The following MICU2 variants were observed in gnomAD, a reference collection of about 807,000 sequenced individuals.
MICU2 encodes the protein calcium uptake protein 2, mitochondrial.
In MICU2, 64 loss-of-function variants were observed where a neutral mutation model predicts 60.4. The observed-to-expected ratio is 1.06, with a 90% CI of 0.87 to 1.31. MICU2 has a LOEUF of 1.31. Among genes scored for constraint, MICU2 ranks in the 50% most tolerant of loss-of-function variants. The pLI is 0.00. For synonymous variants in MICU2, 201 were observed against 175.0 expected (o/e 1.15, Z -1.17); for missense variants, 569 against 531.0 (o/e 1.07, Z -0.70).
At chr13:21,561,898 T>C (rs1887854157) in intron 2 of MICU2, among the ~76,000 whole-genome samples, 1 of 124,624 alleles carries the variant, frequency 8.0e-6, no homozygotes, top group Non-Finnish European at 1.6e-5. Flanking sequence ...AGTGTGATGT[T>C]CCCCTTCCTG....
intron 1 of MICU2, among the ~76,000 whole-genome samples, chr13:21,596,181 C>T (rs370618697): frequency 3.3e-5 from 5 of 152,258 alleles, no homozygotes; most frequent in East Asian, 1.9e-4. Context: ...CTTAAAACCA[C>T]GGGAGCCTTG....
intron 2 of MICU2, among the ~76,000 whole-genome samples, chr13:21,551,926 T>C (rs1887579385): frequency 6.6e-6 from 1 of 152,154 alleles, no homozygotes; most frequent in African/African-American, 2.4e-5. Context: ...CAGCATGATT[T>C]ATAATCCTTT....
At chr13:21,503,133 G>T (rs765445844) in intron 8 of MICU2, 36 bp from the exon 9 acceptor site, 4 of 1,497,288 alleles carry the variant, frequency 2.7e-6, no homozygotes, top group Non-Finnish European at 3.6e-6. Flanking sequence ...AAGGTAACTA[G>T]TGGCATTCAA....
At chr13:21,502,695 C>T (rs1435090032) in intron 9 of MICU2, 2 of 412,194 alleles carry the variant, frequency 4.9e-6, no homozygotes, top group Admixed American at 4.5e-5. Context: ...AGTAGTGATA[C>T]TTGTCTTATT....
chr13:21,583,636 C>T (rs576087163), intron 1 of MICU2, among the ~76,000 whole-genome samples: 5 of 152,288 alleles, frequency 3.3e-5, no homozygotes, highest in African/African-American at 1.2e-4. Context: ...GTCACAGCTC[C>T]ATGCATGGGG....
rs566258729 is a variant in MICU2, at chr13:21,590,811, C to T, written c.210+13128G>A. Among the ~76,000 whole-genome samples, 7 of 152,230 alleles carry T rather than the reference C, an allele frequency of 4.6e-5. No individual in the cohort carries two copies. The South Asian group carries it at 8.3e-4, about 18-fold the overall frequency. On this transcript the variant is annotated intron_variant, in intron 1 of 11. Coordinates refer to ENST00000382374, the MANE Select transcript of MICU2 (RefSeq NM_152726.3). ...TGCAGGTGGCAGTGAGCCAAGATCG[C>T]GCCACTGCACTCTAGCCTGGCGACA...
chr13:21,501,518 T>C (rs1429114322), intron 9 of MICU2, among the ~76,000 whole-genome samples: 1 of 152,216 alleles, frequency 6.6e-6, no homozygotes, highest in African/African-American at 2.4e-5. Context: ...CGCCTTGGCC[T>C]CCCAAAGTGC....
At chr13:21,500,989 T>C (rs1040573911) in intron 9 of MICU2, among the ~76,000 whole-genome samples, 2 of 152,168 alleles carry the variant, frequency 1.3e-5, no homozygotes, top group Non-Finnish European at 2.9e-5. Flanking sequence ...TTTTTCAACA[T>C]TTAATTTTTT....
chr13:21,553,656 A>G (rs1252095255), intron 2 of MICU2, among the ~76,000 whole-genome samples: 2 of 152,182 alleles, frequency 1.3e-5, no homozygotes, highest in Non-Finnish European at 2.9e-5. Flanking sequence ...TAACATCATA[A>G]TGACAGGATC....
intron 4 of MICU2, among the ~76,000 whole-genome samples, chr13:21,530,227 T>G (rs946105926): frequency 4.6e-5 from 7 of 152,170 alleles, no homozygotes; most frequent in African/African-American, 1.4e-4. Context: ...TTTTAAAAAT[T>G]TATCTTTGAC....
intron 2 of MICU2, among the ~76,000 whole-genome samples, chr13:21,560,930 T>A (rs1484855376): frequency 6.6e-6 from 1 of 152,224 alleles, no homozygotes; most frequent in African/African-American, 2.4e-5. Context: ...TTCCACTTGG[T>A]CATCTAAACT....
At chr13:21,551,698 A>T (rs1887570476) in intron 2 of MICU2, among the ~76,000 whole-genome samples, 1 of 147,906 alleles carries the variant, frequency 6.8e-6, no homozygotes, top group East Asian at 2.0e-4. Context: ...TTTGGTTTTT[A>T]GTCCTTGCGA....
chr13:21,536,486 C>T (rs1303171589), intron 4 of MICU2, among the ~76,000 whole-genome samples: 1 of 152,036 alleles, frequency 6.6e-6, no homozygotes, highest in African/African-American at 2.4e-5. Context: ...CATCACCACG[C>T]CTGGCTAATT....
chr13:21,529,647 G>T (rs1316470764), intron 4 of MICU2, among the ~76,000 whole-genome samples: 4 of 152,324 alleles, frequency 2.6e-5, no homozygotes, highest in African/African-American at 9.6e-5. Flanking sequence ...ACAAACATTT[G>T]CCTAATTAAC....
intron 1 of MICU2, among the ~76,000 whole-genome samples, chr13:21,577,804 CA>C (rs56200015): frequency 0.091 from 4,358 of 47,948 alleles, 65 homozygotes; most frequent in African/African-American, 0.15. Context: ...GACTCGGTCT[CA>C]AAAAAAAAAA....
chr13:21,590,728 G>A (rs111605365), intron 1 of MICU2, among the ~76,000 whole-genome samples: 5 of 152,082 alleles, frequency 3.3e-5, no homozygotes, highest in African/African-American at 7.2e-5. Flanking sequence ...GGTGGCATTT[G>A]TCCGTAGTCC....
At chr13:21,572,199 A>C (rs528257473) in intron 1 of MICU2, among the ~76,000 whole-genome samples, 3 of 152,370 alleles carry the variant, frequency 2.0e-5, no homozygotes, top group South Asian at 4.1e-4. Flanking sequence ...GACAAGTGAA[A>C]TGAGTGACTG....
intron 7 of MICU2, among the ~76,000 whole-genome samples, chr13:21,513,918 C>T (rs1329162498): frequency 6.6e-6 from 1 of 151,898 alleles, no homozygotes; most frequent in African/African-American, 2.4e-5. Flanking sequence ...TGGAAGAATA[C>T]ACAAGAAACT....
chr13:21,517,805 G>GCACA (rs1555271291), intron 6 of MICU2, among the ~76,000 whole-genome samples: 1 of 148,912 alleles, frequency 6.7e-6, no homozygotes, highest in African/African-American at 2.6e-5. Flanking sequence ...ACACACGCGC[G>GCACA]CGCGCGCGCA....
Sources: allele counts gnomAD v4.1 joint callset (sites outside exome capture counted in the v4.1 genomes callset), GRCh38; gene constraint gnomAD v4.1.1; transcripts MANE v1.5; gene names NCBI Gene and HGNC (gene_info 2026-07-23, HGNC 2026-07-21).